The following TMCC2 variants were observed in gnomAD, a reference collection of about 807,000 sequenced individuals.
TMCC2 encodes transmembrane and coiled-coil domains protein 2.
In TMCC2, 16 loss-of-function variants were observed where a neutral mutation model predicts 49.4. The ratio of observed to expected loss-of-function variants is 0.32; its 90% confidence interval spans 0.22 to 0.49. The LOEUF (loss-of-function observed/expected upper bound fraction) is 0.49. TMCC2 is among the 20% of genes least tolerant of loss of function. The pLI, the probability that TMCC2 is intolerant of heterozygous loss-of-function variation, is 0.99. For synonymous variants in TMCC2, 397 were observed against 434.1 expected, an observed-to-expected ratio of 0.91 and a Z score of 1.06; for missense variants, 762 against 989.8, an observed-to-expected ratio of 0.77 and a Z score of 3.09.
Position 205,229,545 on chromosome 1 carries a change from C to CGGGGGGGG in TMCC2, c.207+780_207+787dup, listed in dbSNP as rs1241476015. ...CTCAGTTTGCCGATCTGTGAAGGGGCGGGGGGGGGGGGGTGGTGGCGGGGG... is the reference window on the plus strand; with the variant it reads ...CTCAGTTTGCCGATCTGTGAAGGGGCGGGGGGGGGGGGGGGGGGGGGTGGTGGCGGGGG... On this transcript the variant is annotated intron_variant, in intron 1 of 4. Coordinates refer to ENST00000358024, the MANE Select transcript of TMCC2 (RefSeq NM_014858.4). 14 of 283,956 alleles carry CGGGGGGGG rather than the reference C, an allele frequency of 4.9e-5. No homozygotes were observed. In the African/African-American group the frequency reaches 6.0e-4, roughly 12 times the overall value. 17.6% of individuals were successfully genotyped at this position (283,956 alleles called of 1,614,324 possible). A position where few individuals can be genotyped will look rare whatever the true frequency, so the allele number is the denominator to read the frequency against.
chr1:205,266,610 T>TA lies in TMCC2; in HGVS notation c.748-2327dup, dbSNP rs61698539. Among the ~76,000 whole-genome samples, 878 of 131,468 alleles carry TA rather than the reference T, an allele frequency of 6.7e-3. 8 individuals are homozygous for TA. Among genetic ancestry groups the TA allele is most frequent in the South Asian group, 0.018 (76 of 4,174 alleles). 86.2% of individuals were successfully genotyped at this position (131,468 alleles called of 152,430 possible). A position where few individuals can be genotyped will look rare whatever the true frequency, so the allele number is the denominator to read the frequency against. ...TCTCCAAAAAAAAACAAAAAACAAA[T>TA]AAAAAAAAAAAAACCGTTAATTTTG... On this transcript the variant is annotated intron_variant, in intron 2 of 4. Transcript: ENST00000358024.
At chr1:205,256,014 T>G (rs1364766466) in intron 2 of TMCC2, among the ~76,000 whole-genome samples, 2 of 152,186 alleles carry the variant, frequency 1.3e-5, no homozygotes, top group Non-Finnish European at 2.9e-5. Context: ...AATGTTTGTA[T>G]AGTTTCCATG....
chr1:205,236,702 AT>A (rs1173681108), intron 1 of TMCC2: 3 of 152,268 alleles, frequency 2.0e-5, no homozygotes, highest in African/African-American at 7.2e-5. Flanking sequence ...TAATTGCAAA[AT>A]GAGTGGTGCA....
chr1:205,228,775 A>T lies in TMCC2; in HGVS notation c.207+4A>T. On this transcript the variant is annotated splice_donor_region_variant and intron_variant, in intron 1 of 4. Transcript: ENST00000358024. ...AAGCAAGCCTCCTGATTTAAAGGTG[A>T]GCGCAGACCATCCCCCCGGCAAGCC... 6.3e-7 allele frequency: 1 copy of T among 1,592,830 alleles called. No individual in the cohort carries two copies. Among genetic ancestry groups the T allele is most frequent in the Non-Finnish European group, 8.5e-7 (1 of 1,170,252 alleles).
chr1:205,246,433 T>G (rs1474684634), intron 2 of TMCC2: 2 of 1,297,060 alleles, frequency 1.5e-6, no homozygotes, highest in Non-Finnish European at 2.0e-6. Context: ...TGGGGAGAGA[T>G]CCAAGCTAGA....
Position 205,228,771 on chromosome 1 carries a change from GGT to G in TMCC2, c.207+2_207+3del. 6.3e-7 allele frequency: 1 copy of G among 1,598,742 alleles called. No individual in the cohort carries two copies. The highest frequency in any genetic ancestry group is 8.5e-7 in the Non-Finnish European group (1 of 1,173,956). On this transcript the variant is annotated splice_donor_variant, in intron 1 of 4. Coordinates refer to ENST00000358024, the MANE Select transcript of TMCC2 (RefSeq NM_014858.4). LOFTEE classifies it high-confidence loss of function. ...CCCGAAGCAAGCCTCCTGATTTAAA[GGT>G]GAGCGCAGACCATCCCCCCGGCAAG...
At chr1:205,256,128 A>C (rs1660861460) in intron 2 of TMCC2, 1 of 1,228,174 alleles carries the variant, frequency 8.1e-7, no homozygotes. Flanking sequence ...CACCTTCTTG[A>C]ATTTGGGACT....
chr1:205,246,888 C>T (rs961004449), intron 2 of TMCC2, among the ~76,000 whole-genome samples: 2 of 151,798 alleles, frequency 1.3e-5, no homozygotes, highest in Non-Finnish European at 2.9e-5. Context: ...TGGTGAAGGA[C>T]TGTGGATGTT....
intron 2 of TMCC2, among the ~76,000 whole-genome samples, chr1:205,260,693 A>T (rs1195180745): frequency 3.7e-5 from 2 of 54,272 alleles, no homozygotes; most frequent in African/African-American, 7.0e-5. Context: ...CCCCACCCCC[A>T]CCCCAGCCCC....
At chr1:205,257,460 C>A in intron 2 of TMCC2, 1 of 1,171,264 alleles carries the variant, frequency 8.5e-7, no homozygotes, top group South Asian at 4.4e-5. Context: ...GTCAGGTGGG[C>A]TGTGCTTACA....
intron 2 of TMCC2, among the ~76,000 whole-genome samples, chr1:205,255,102 T>C (rs1274372898): frequency 6.6e-6 from 1 of 150,750 alleles, no homozygotes; most frequent in Non-Finnish European, 1.5e-5. Flanking sequence ...ACTTAGGTGG[T>C]TGAGGTGGGA....
intron 1 of TMCC2, among the ~76,000 whole-genome samples, chr1:205,235,231 T>C (rs1291178662): frequency 6.6e-6 from 1 of 151,870 alleles, no homozygotes; most frequent in Non-Finnish European, 1.5e-5. Flanking sequence ...CAGCCCTCTA[T>C]GTGGGCTCTG....
At chr1:205,229,251 C>A in intron 1 of TMCC2, 1 of 562,308 alleles carries the variant, frequency 1.8e-6, no homozygotes, top group Non-Finnish European at 2.3e-6. Flanking sequence ...TGCAGTGGCG[C>A]GATCTCGGCT....
intron 2 of TMCC2, chr1:205,256,409 A>G (rs1202511093): frequency 6.4e-7 from 1 of 1,551,002 alleles, no homozygotes; most frequent in Non-Finnish European, 8.7e-7. Flanking sequence ...AAGGAGGAAG[A>G]GACTGCTGTG....
intron 3 of TMCC2, among the ~76,000 whole-genome samples, 186 bp downstream of exon 3, chr1:205,270,070 G>A (rs554465291): frequency 2.6e-5 from 4 of 152,094 alleles, no homozygotes; most frequent in South Asian, 4.2e-4. Flanking sequence ...TTTTGGAGGC[G>A]GAGTGTCTCT....
At position 205,241,970 on chromosome 1, in the gene TMCC2, G is replaced by A. The variant is rs1574838267; in HGVS notation, c.673G>A (p.Asp225Asn). ...QCRPRSSSTT[D>N]TALLLADGSN... ...CCGTCCCCGCTCTTCCTCCACCACCGACACTGCTCTGCTGCTGGCCGACGG... is the reference window on the plus strand; with the variant it reads ...CCGTCCCCGCTCTTCCTCCACCACCAACACTGCTCTGCTGCTGGCCGACGG... Residue 225 changes from aspartate to asparagine, a missense_variant, in exon 2 of 5, where the codon GAC becomes AAC. Asp to Asn is a conservative substitution (Grantham distance 23). This residue lies in a region of TMCC2 where 322 missense variants were observed against 353.1 expected (regional missense o/e 0.91). Transcript: ENST00000358024. The surrounding 1 kb of genome is among the most constrained non-coding windows in gnomAD (Gnocchi z 7.3). 2.5e-6 allele frequency: 4 copies of A among 1,611,322 alleles called. No individual in the cohort carries two copies. The highest frequency in any genetic ancestry group is 1.7e-5 in the Admixed American group (1 of 59,962).
At chr1:205,253,047 C>G (rs1475419085) in intron 2 of TMCC2, among the ~76,000 whole-genome samples, 1 of 151,908 alleles carries the variant, frequency 6.6e-6, no homozygotes, top group Non-Finnish European at 1.5e-5. Context: ...GGCAGAGGAT[C>G]ATTTGAGCCC....
chr1:205,229,472 C>T (rs923651174), intron 1 of TMCC2: 2 of 300,940 alleles, frequency 6.6e-6, no homozygotes, highest in Non-Finnish European at 4.8e-6. Context: ...AGGCGTGAGC[C>T]ACCGTGCCGG....
chr1:205,270,015 A>G lies in TMCC2; in HGVS notation c.1682+131A>G, dbSNP rs905694937. On this transcript the variant is annotated intron_variant, in intron 3 of 4. Transcript: ENST00000358024. ...AGCCTCCTGGCTGCTGGAAGGAGCC[A>G]GCACGAGGCCCTAAGGAGCCTTCTT... The G allele has an allele frequency of 7.2e-6, 6 of 837,934 alleles. No individual in the cohort carries two copies. In the South Asian group the frequency reaches 1.0e-4, roughly 14 times the overall value. 51.9% of individuals were successfully genotyped at this position (837,934 alleles called of 1,614,324 possible).
Sources: gnomAD v4.1 joint callset for allele counts (sites outside exome capture counted in the v4.1 genomes callset) on GRCh38, gnomAD v4.1.1 for gene constraint, gnomAD v4.1.1 regional missense constraint, Gnocchi (gnomAD v3.1) non-coding constraint, MANE v1.5 for transcripts, NCBI Gene and HGNC (gene_info 2026-07-23, HGNC 2026-07-21) for gene names.